Variants in AVEN observed in about 807,000 individuals in gnomAD.
The protein encoded by AVEN is apoptosis and caspase activation inhibitor, also known as cell death regulator Aven.
In AVEN, 41 loss-of-function variants were observed where a neutral mutation model predicts 38.1. That is an observed-to-expected ratio of 1.08 (90% confidence interval 0.84 to 1.40). The LOEUF (loss-of-function observed/expected upper bound fraction) is 1.40, where lower values mean the gene tolerates loss of function less well. AVEN is among the 40% of genes most tolerant of loss of function. The probability of loss-of-function intolerance (pLI) is 0.00; values close to 1 mark genes in which losing one functional copy is unlikely to be tolerated. For missense variants in AVEN, 605 were observed against 438.8 expected (o/e 1.38, Z -3.38); for synonymous variants, 206 against 171.8 (o/e 1.20, Z -1.56).
At chr15:33,979,971 G>GT (rs1367505490) in intron 2 of AVEN, among the ~76,000 whole-genome samples, 1 of 152,112 alleles carries the variant, frequency 6.6e-6, no homozygotes, top group African/African-American at 2.4e-5. Context: ...TAAATCTCTG[G>GT]TTTCTGGGTT....
At chr15:33,862,000 G>A (rs114058074), downstream of AVEN, among the ~76,000 whole-genome samples, 12 of 152,028 alleles carry the variant, frequency 7.9e-5, no homozygotes, top group South Asian at 4.2e-4. Context: ...CTTATTCTAC[G>A]GTAAAGCATT....
intron 2 of AVEN, among the ~76,000 whole-genome samples, chr15:33,958,593 G>GA (rs1327584853): frequency 2.7e-3 from 333 of 122,218 alleles, no homozygotes; most frequent in Middle Eastern, 8.5e-3. Context: ...CCTATCTCAA[G>GA]AAAAAAAAAA....
At chr15:33,886,259 C>T (rs578014972) in intron 2 of AVEN, among the ~76,000 whole-genome samples, 13 of 152,260 alleles carry the variant, frequency 8.5e-5, no homozygotes, top group South Asian at 2.1e-4. Context: ...TCATGGGGGG[C>T]GGTCTCCCCA....
At chr15:33,880,236 C>G (rs1410910316) in intron 2 of AVEN, among the ~76,000 whole-genome samples, 1 of 152,088 alleles carries the variant, frequency 6.6e-6, no homozygotes, top group African/African-American at 2.4e-5. Flanking sequence ...TGAGAGTTCC[C>G]AAGGCAGTGA....
chr15:33,904,539 G>C (rs1892607061), intron 2 of AVEN, among the ~76,000 whole-genome samples: 1 of 151,978 alleles, frequency 6.6e-6, no homozygotes, highest in Non-Finnish European at 1.5e-5. Context: ...AGCCTCCCGA[G>C]TAGCTGGGAT....
chr15:33,853,615 G>A, the AVEN span: 1 of 1,613,958 alleles, frequency 6.2e-7, no homozygotes. Flanking sequence ...TCTGGGTTTG[G>A]ACAAAAATGC....
chr15:33,952,772 A>T (rs1351096087), intron 2 of AVEN, among the ~76,000 whole-genome samples: 1 of 152,070 alleles, frequency 6.6e-6, no homozygotes, highest in Non-Finnish European at 1.5e-5. Flanking sequence ...CTGAATGCCT[A>T]ATAGGGCACT....
At chr15:33,890,354 T>G (rs1015467438) in intron 2 of AVEN, among the ~76,000 whole-genome samples, 1 of 152,184 alleles carries the variant, frequency 6.6e-6, no homozygotes, top group Non-Finnish European at 1.5e-5. Flanking sequence ...AGTAGGCAGT[T>G]AGTAAATGTG....
chr15:33,966,004 A>G (rs1404280540), intron 2 of AVEN, among the ~76,000 whole-genome samples: 7 of 152,210 alleles, frequency 4.6e-5, no homozygotes, highest in African/African-American at 1.7e-4. Context: ...TGGCTGAAGT[A>G]TAATTTGGAA....
At chr15:33,864,906 C>G, downstream of AVEN, 1 of 496,118 alleles carries the variant, frequency 2.0e-6, no homozygotes, top group Non-Finnish European at 3.6e-6. Flanking sequence ...TTGTTTGGGG[C>G]AGAGGGGGAT....
chr15:34,064,321 T>C, intron 4 of AVEN: 1 of 1,606,434 alleles, frequency 6.2e-7, no homozygotes, highest in Non-Finnish European at 8.5e-7. Context: ...CCCTGAAAAG[T>C]CAACAACTCC....
At chr15:33,956,566 T>C (rs1403815177) in intron 2 of AVEN, among the ~76,000 whole-genome samples, 1 of 152,152 alleles carries the variant, frequency 6.6e-6, no homozygotes. Context: ...ACTAGTTCTC[T>C]GTAATGAGTC....
At chr15:33,858,140 C>T (rs953110799), downstream of AVEN, 10 of 572,176 alleles carry the variant, frequency 1.7e-5, no homozygotes, top group South Asian at 7.2e-5. Context: ...ATCTAAGCCC[C>T]GTGGAAAGGG....
chr15:34,017,472 GA>G (rs1204609335), intron 1 of AVEN, among the ~76,000 whole-genome samples: 2 of 105,636 alleles, frequency 1.9e-5, no homozygotes, highest in African/African-American at 6.8e-5. Context: ...ATTTCAGTAT[GA>G]TTTTTTTTTT....
chr15:33,985,165 G>A (rs1466368165), intron 2 of AVEN, among the ~76,000 whole-genome samples: 1 of 151,930 alleles, frequency 6.6e-6, no homozygotes, highest in Non-Finnish European at 1.5e-5. Flanking sequence ...TTATCTGTAA[G>A]CTAACAGGTT....
In AVEN at chr15:33,973,430, C is replaced by A. The variant is rs75449822; in HGVS notation, c.445+29602G>T. Among the ~76,000 whole-genome samples, 131 of 152,336 alleles carry A rather than the reference C, an allele frequency of 8.6e-4. 3 individuals are homozygous for A. The East Asian group carries it at 0.024, about 28-fold the overall frequency. On this transcript the variant is annotated intron_variant, in intron 2 of 5. Transcript: ENST00000306730. ...CTTCCCTTCATTTGTGTTGCAAAGA[C>A]AGTCCTCTACATGCAGTAACTTCTG...
chr15:34,017,831 G>A (rs1419080543), intron 1 of AVEN, among the ~76,000 whole-genome samples: 1 of 152,122 alleles, frequency 6.6e-6, no homozygotes. Flanking sequence ...TAGCAACTAA[G>A]TAATGCACCA....
intron 1 of AVEN, among the ~76,000 whole-genome samples, chr15:34,019,027 G>A (rs542533992): frequency 4.0e-5 from 6 of 151,474 alleles, no homozygotes; most frequent in Non-Finnish European, 7.4e-5. Context: ...GACACAGAGC[G>A]CTGATTGGTG....
chr15:34,015,532 A>T (rs1897858497), intron 1 of AVEN, among the ~76,000 whole-genome samples: 1 of 152,220 alleles, frequency 6.6e-6, no homozygotes, highest in African/African-American at 2.4e-5. Context: ...AAAATGTTTT[A>T]TTATAATACA....
Sources: allele counts gnomAD v4.1 joint callset (sites outside exome capture counted in the v4.1 genomes callset), GRCh38; gene constraint gnomAD v4.1.1; transcripts MANE v1.5; gene names NCBI Gene and HGNC (gene_info 2026-07-23, HGNC 2026-07-21).